The following ADAMTS3 variants were observed in gnomAD, a reference collection of about 807,000 sequenced individuals.
ADAMTS3 encodes ADAM metallopeptidase with thrombospondin type 1 motif 3, also known as A disintegrin and metalloproteinase with thrombospondin motifs 3.
Under a neutral mutation model 129.0 loss-of-function variants are expected in ADAMTS3, and 73 were observed. The ratio of observed to expected loss-of-function variants is 0.57; its 90% CI spans 0.47 to 0.69. The LOEUF (loss-of-function observed/expected upper bound fraction) is 0.69, where lower values mean the gene tolerates loss of function less well. Among genes scored for constraint, ADAMTS3 ranks in the 30% least tolerant of loss-of-function variants. ADAMTS3 has a pLI of 0.00. For missense variants in ADAMTS3, 1,457 were observed against 1,514.5 expected (o/e 0.96, Z 0.63); for synonymous variants, 477 against 510.8 (o/e 0.93, Z 0.89).
In ADAMTS3 at chr4:72,336,761, C is replaced by A. The variant is rs190681639; in HGVS notation, c.861+2733G>T. Among the ~76,000 whole-genome samples the A allele has an allele frequency of 7.9e-5, 12 of 152,210 alleles. No individual in the cohort carries two copies. In the East Asian group the frequency reaches 2.3e-3, roughly 29 times the overall value. Reference sequence around the variant, plus strand: ...ATTTTGGGCCAGATAATTAAAAATTCTATGCTGTGTAGGGCTGTCTGTTGC... The same window carrying A: ...ATTTTGGGCCAGATAATTAAAAATTATATGCTGTGTAGGGCTGTCTGTTGC... On this transcript the variant is annotated intron_variant, in intron 5 of 21. Transcript: ENST00000286657.
chr4:72,466,941 G>C (rs1235850396), intron 3 of ADAMTS3, among the ~76,000 whole-genome samples: 1 of 152,056 alleles, frequency 6.6e-6, no homozygotes, highest in Non-Finnish European at 1.5e-5. Context: ...TGGTCCATTA[G>C]AGATGATAAT....
At chr4:72,367,959 A>C (rs1416118089) in intron 4 of ADAMTS3, among the ~76,000 whole-genome samples, 2 of 152,184 alleles carry the variant, frequency 1.3e-5, no homozygotes, top group Non-Finnish European at 2.9e-5. Context: ...TGTTATATGC[A>C]TAATGTAATT....
intron 3 of ADAMTS3, among the ~76,000 whole-genome samples, chr4:72,488,991 G>C (rs914636236): frequency 6.6e-6 from 1 of 151,736 alleles, no homozygotes; most frequent in African/African-American, 2.4e-5. Flanking sequence ...TCTATAAGTT[G>C]ACTTTTTTAT....
At chr4:72,353,927 T>C (rs1720509074) in intron 4 of ADAMTS3, among the ~76,000 whole-genome samples, 1 of 151,854 alleles carries the variant, frequency 6.6e-6, no homozygotes, top group Non-Finnish European at 1.5e-5. Context: ...AATACCCCCA[T>C]TTTTTTCTCC....
intron 3 of ADAMTS3, among the ~76,000 whole-genome samples, chr4:72,484,449 A>T (rs1024789893): frequency 6.6e-6 from 1 of 152,226 alleles, no homozygotes; most frequent in Non-Finnish European, 1.5e-5. Context: ...AGCAGGGTAA[A>T]AAAAGACCAA....
intron 4 of ADAMTS3, among the ~76,000 whole-genome samples, chr4:72,401,897 G>T (rs1318754997): frequency 6.6e-6 from 1 of 152,034 alleles, no homozygotes; most frequent in African/African-American, 2.4e-5. Flanking sequence ...CTTGACCAAG[G>T]TTACAAAACT....
At chr4:72,451,966 T>G (rs1718419278) in intron 3 of ADAMTS3, among the ~76,000 whole-genome samples, 1 of 151,682 alleles carries the variant, frequency 6.6e-6, no homozygotes, top group Admixed American at 6.6e-5. Flanking sequence ...GGTGGACACC[T>G]GTAATCCAAG....
chr4:72,505,445 A>G (rs1017765639), intron 3 of ADAMTS3, among the ~76,000 whole-genome samples: 1 of 152,210 alleles, frequency 6.6e-6, no homozygotes, highest in Non-Finnish European at 1.5e-5. Flanking sequence ...GCTATGGCCA[A>G]TAAGGCAGGG....
chr4:72,495,831 G>A (rs775148637), intron 3 of ADAMTS3, among the ~76,000 whole-genome samples: 16 of 152,136 alleles, frequency 1.1e-4, no homozygotes, highest in Non-Finnish European at 1.8e-4. Context: ...TTAAAAGATA[G>A]AACCATAATA....
At chr4:72,500,990 G>A (rs1231845571) in intron 3 of ADAMTS3, among the ~76,000 whole-genome samples, 1 of 152,130 alleles carries the variant, frequency 6.6e-6, no homozygotes, top group Non-Finnish European at 1.5e-5. Context: ...TTTTGTGCAT[G>A]TACCATGCTG....
intron 4 of ADAMTS3, among the ~76,000 whole-genome samples, chr4:72,372,710 A>G (rs1472110445): frequency 4.6e-5 from 7 of 152,080 alleles, no homozygotes; most frequent in Non-Finnish European, 1.0e-4. Flanking sequence ...ATTCACAGTA[A>G]TACCAAAAAC....
chr4:72,527,585 C>T (rs762412623), intron 3 of ADAMTS3, among the ~76,000 whole-genome samples: 3 of 152,078 alleles, frequency 2.0e-5, no homozygotes, highest in Non-Finnish European at 4.4e-5. Flanking sequence ...CAAGAAGCAG[C>T]GAGAGTAAGA....
At chr4:72,377,348 T>G (rs1455071916) in intron 4 of ADAMTS3, among the ~76,000 whole-genome samples, 1 of 152,192 alleles carries the variant, frequency 6.6e-6, no homozygotes, top group Non-Finnish European at 1.5e-5. Flanking sequence ...TGTATCTTTA[T>G]TTAGTCCGTG....
chr4:72,459,639 T>C (rs1227608041), intron 3 of ADAMTS3, among the ~76,000 whole-genome samples: 1 of 151,542 alleles, frequency 6.6e-6, no homozygotes, highest in Non-Finnish European at 1.5e-5. Flanking sequence ...AATCTCAAAA[T>C]GTAGCTATTA....
chr4:72,444,579 T>C (rs1034296500), intron 3 of ADAMTS3, among the ~76,000 whole-genome samples: 2 of 151,810 alleles, frequency 1.3e-5, no homozygotes, highest in Non-Finnish European at 2.9e-5. Flanking sequence ...ATTCCTTTTC[T>C]GTGTGAAGCT....
intron 4 of ADAMTS3, among the ~76,000 whole-genome samples, chr4:72,342,821 G>A (rs563155333): frequency 2.6e-5 from 4 of 152,304 alleles, no homozygotes; most frequent in South Asian, 4.1e-4. Flanking sequence ...CCAAGAGGTG[G>A]ACTTAGCATA....
At chr4:72,345,391 C>T (rs908532747) in intron 4 of ADAMTS3, among the ~76,000 whole-genome samples, 3 of 152,160 alleles carry the variant, frequency 2.0e-5, no homozygotes, top group Non-Finnish European at 4.4e-5. Flanking sequence ...CTGTTTGTAT[C>T]ATCCAATAGT....
At chr4:72,451,929 C>T (rs1578691225) in intron 3 of ADAMTS3, among the ~76,000 whole-genome samples, 1 of 151,518 alleles carries the variant, frequency 6.6e-6, no homozygotes, top group Non-Finnish European at 1.5e-5. Context: ...AGACCCCCTT[C>T]TCTATAAAAA....
intron 4 of ADAMTS3, among the ~76,000 whole-genome samples, chr4:72,388,807 G>T (rs1029839890): frequency 1.3e-5 from 2 of 152,102 alleles, no homozygotes; most frequent in African/African-American, 4.8e-5. Context: ...AGCATACAAA[G>T]AAAAACCTGC....
Sources: allele counts gnomAD v4.1 joint callset (sites outside exome capture counted in the v4.1 genomes callset), GRCh38; gene constraint gnomAD v4.1.1; transcripts MANE v1.5; gene names NCBI Gene and HGNC (gene_info 2026-07-23, HGNC 2026-07-21).